PLEKHA3: variants seen among roughly 807,000 people sequenced by gnomAD.
PLEKHA3 encodes pleckstrin homology domain-containing family A member 3.
PLEKHA3 carries 19 observed loss-of-function variants against 39.2 expected under a neutral mutation model. That is an observed-to-expected ratio of 0.48 (90% confidence interval 0.34 to 0.71). The LOEUF (loss-of-function observed/expected upper bound fraction) is 0.71, where lower values mean the gene tolerates loss of function less well. Ranked by LOEUF, PLEKHA3 falls within the 30% of genes least tolerant of loss-of-function variation. The pLI is 0.01. For synonymous variants in PLEKHA3, 97 were observed against 118.6 expected (o/e 0.82, Z 1.18); for missense variants, 253 against 359.5 (o/e 0.70, Z 2.40).
chr2:178,488,864 T>C (rs1685299738), intron 2 of PLEKHA3: 2 of 341,874 alleles, frequency 5.9e-6, no homozygotes, highest in Non-Finnish European at 1.2e-5. Context: ...TTTAATTAGA[T>C]ATTTAATTTC....
At chr2:178,480,948 G>A (rs752630177) in intron 1 of PLEKHA3, 39 bp downstream of exon 1, 1 of 1,306,734 alleles carries the variant, frequency 7.7e-7, no homozygotes, top group South Asian at 3.2e-5. Flanking sequence ...GGGGAGAGGC[G>A]GGGGGCTGCT....
Position 178,492,485 on chromosome 2 carries a change from G to A in PLEKHA3, c.314-1368G>A, listed in dbSNP as rs549463102. Among the ~76,000 whole-genome samples, 62 of 100,280 alleles carry A rather than the reference G, an allele frequency of 6.2e-4. 2 individuals are homozygous for A. In the South Asian group the frequency reaches 8.7e-3, roughly 14 times the overall value. The allele number at this position is 100,280 out of a possible 152,430, so 65.8% of individuals were successfully genotyped here. ...AAGCTAATCATGTGGGGTGGGGGGA[G>A]GGGGGAGGGATAGCATTGGTAGATA... On this transcript the variant is annotated intron_variant, in intron 3 of 7. Transcript: ENST00000234453.
rs774697134 is a variant in PLEKHA3 at position 178,480,913 on chromosome 2, T to G, written c.40+4T>G. On this transcript the variant is annotated splice_donor_region_variant and intron_variant, in intron 1 of 7. Coordinates refer to ENST00000234453, the MANE Select transcript of PLEKHA3 (RefSeq NM_019091.4). ...AAGTGGACCAACTATCTCACAGGTA[T>G]GGGGGCTCGTGTGATGAGGGAAGAG... The G allele has an allele frequency of 7.7e-7, 1 of 1,299,932 alleles. No homozygotes were observed. Among genetic ancestry groups the G allele is most frequent in the Non-Finnish European group, 9.9e-7 (1 of 1,015,216 alleles). 80.5% of individuals were successfully genotyped at this position (1,299,932 alleles called of 1,614,324 possible). A position where few individuals can be genotyped will look rare whatever the true frequency, so the allele number is the denominator to read the frequency against.
Position 178,505,948 on chromosome 2 carries a change from T to C in PLEKHA3, c.*2061T>C, listed in dbSNP as rs1190310020. On this transcript the variant is annotated 3_prime_UTR_variant, in exon 8 of 8. Coordinates refer to ENST00000234453, the MANE Select transcript of PLEKHA3 (RefSeq NM_019091.4). The stretch of plus-strand genomic sequence containing the variant: ...AACACATCTGTGAAATCATTTTTTT[T>C]GTGGGAGTATAAATATATCTTGAAT... The C allele has an allele frequency of 1.3e-5, 2 of 152,094 alleles. No homozygotes were observed. The highest frequency in any genetic ancestry group is 2.9e-5 in the Non-Finnish European group (2 of 67,982). 9.4% of individuals were successfully genotyped at this position (152,094 alleles called of 1,614,324 possible).
At chr2:178,489,238 C>T (rs952645650) in intron 2 of PLEKHA3, among the ~76,000 whole-genome samples, 2 of 152,142 alleles carry the variant, frequency 1.3e-5, no homozygotes, top group Non-Finnish European at 2.9e-5. Flanking sequence ...GTTTCAGTGT[C>T]TGCAACTAAG....
chr2:178,490,103 G>C (rs1001881417), intron 2 of PLEKHA3, among the ~76,000 whole-genome samples: 6 of 152,206 alleles, frequency 3.9e-5, no homozygotes, highest in African/African-American at 1.4e-4. Context: ...AAGGAGGTGT[G>C]TGTGTGCAGG....
Position 178,494,004 on chromosome 2 carries a change from A to T in PLEKHA3, c.450+15A>T. Reference sequence around the variant, plus strand: ...CTAGTGCAGAGGTAGAGCGAAGAGGATCTCTTCACGTGTGGTTATGCTTTG... The same window carrying T: ...CTAGTGCAGAGGTAGAGCGAAGAGGTTCTCTTCACGTGTGGTTATGCTTTG... On this transcript the variant is annotated intron_variant, in intron 4 of 7. Coordinates refer to ENST00000234453, the MANE Select transcript of PLEKHA3 (RefSeq NM_019091.4). The T allele has an allele frequency of 5.6e-6, 9 of 1,612,308 alleles. No homozygotes were observed. The highest frequency in any genetic ancestry group is 7.6e-6 in the Non-Finnish European group (9 of 1,179,238).
At chr2:178,483,681 CA>C (rs1685207852) in intron 1 of PLEKHA3, among the ~76,000 whole-genome samples, 1 of 152,052 alleles carries the variant, frequency 6.6e-6, no homozygotes, top group African/African-American at 2.4e-5. Context: ...ATTTGTTTGG[CA>C]AGGTAAATTA....
In PLEKHA3 at chr2:178,512,893, A is replaced by T. The variant is rs373249068; in HGVS notation, c.*9006A>T. On this transcript the variant is annotated 3_prime_UTR_variant, in exon 8 of 8. Transcript: ENST00000234453. ...TGAATAAACCAAAATTCACCTTGAC[A>T]CTCCATCCCCTAGAGGTAACCATTC... 2.4e-4 allele frequency: 37 copies of T among 153,550 alleles called. No homozygotes were observed. The highest frequency in any genetic ancestry group is 8.7e-4 in the African/African-American group (36 of 41,368). 9.5% of individuals were successfully genotyped at this position (153,550 alleles called of 1,614,324 possible).
At chr2:178,494,521 G>C (rs1401692665) in intron 4 of PLEKHA3, among the ~76,000 whole-genome samples, 1 of 152,188 alleles carries the variant, frequency 6.6e-6, no homozygotes, top group East Asian at 1.9e-4. Flanking sequence ...CCAGCATGTT[G>C]CCTGTCCCTT....
At chr2:178,494,128 C>T (rs1676217345) in intron 4 of PLEKHA3, 139 bp downstream of exon 4, 1 of 869,382 alleles carries the variant, frequency 1.2e-6, no homozygotes, top group Non-Finnish European at 1.7e-6. Flanking sequence ...TGTATACTAT[C>T]TGGAAATCTG....
chr2:178,484,736 C>T (rs902622010), intron 1 of PLEKHA3, among the ~76,000 whole-genome samples: 2 of 152,200 alleles, frequency 1.3e-5, no homozygotes, highest in Non-Finnish European at 2.9e-5. Context: ...TGTTAATAGT[C>T]AGTGAACTGT....
chr2:178,484,540 C>T (rs562372440), intron 1 of PLEKHA3, among the ~76,000 whole-genome samples: 20 of 152,306 alleles, frequency 1.3e-4, no homozygotes, highest in Non-Finnish European at 2.6e-4. Flanking sequence ...ACCCATCTCC[C>T]CTCTCGGCAC....
At chr2:178,499,151 C>G in intron 5 of PLEKHA3, 60 bp from the exon 6 acceptor site, 2 of 1,468,634 alleles carry the variant, frequency 1.4e-6, no homozygotes, top group Non-Finnish European at 9.3e-7. Context: ...ATTAGAGCTG[C>G]ATGATTCTAC....
At chr2:178,482,708 C>T (rs1426538646) in intron 1 of PLEKHA3, among the ~76,000 whole-genome samples, 2 of 152,080 alleles carry the variant, frequency 1.3e-5, no homozygotes, top group East Asian at 3.9e-4. Flanking sequence ...GGCTTGGTGG[C>T]GATTTCCTTA....
In PLEKHA3 at chr2:178,507,937, T is replaced by G. The variant is rs1685629621; in HGVS notation, c.*4050T>G. 6.5e-6 allele frequency: 1 copy of G among 153,524 alleles called. No homozygotes were observed. Among genetic ancestry groups the G allele is most frequent in the Admixed American group, 6.6e-5 (1 of 15,250 alleles). The allele number at this position is 153,524 out of a possible 1,614,324, so 9.5% of individuals were successfully genotyped here. On this transcript the variant is annotated 3_prime_UTR_variant, in exon 8 of 8. Transcript: ENST00000234453. ...TTACACTCTGTAAGCTTTTAGGAAC[T>G]TCTCATTACTTCTGATGTTTCATAA... is the stretch of plus-strand genomic sequence containing the variant.
intron 1 of PLEKHA3, among the ~76,000 whole-genome samples, chr2:178,482,429 C>T (rs910394100): frequency 6.6e-6 from 1 of 151,636 alleles, no homozygotes; most frequent in African/African-American, 2.4e-5. Flanking sequence ...GTCCCAGTTA[C>T]TGAGGAGGCG....
chr2:178,483,346 A>T (rs1175452925), intron 1 of PLEKHA3, among the ~76,000 whole-genome samples: 1 of 152,226 alleles, frequency 6.6e-6, no homozygotes, highest in Non-Finnish European at 1.5e-5. Flanking sequence ...GAATTAAAAA[A>T]AAAAAAGAAT....
chr2:178,488,034 G>A (rs1468049735), intron 2 of PLEKHA3, among the ~76,000 whole-genome samples: 2 of 152,008 alleles, frequency 1.3e-5, no homozygotes, highest in African/African-American at 4.8e-5. Flanking sequence ...AGCAGTTTGG[G>A]AGGCCAAGGC....
Sources: allele counts gnomAD v4.1 joint callset (sites outside exome capture counted in the v4.1 genomes callset), GRCh38; gene constraint gnomAD v4.1.1; transcripts MANE v1.5; gene names NCBI Gene and HGNC (gene_info 2026-07-23, HGNC 2026-07-21).